SLC28A3: variants seen among roughly 807,000 people sequenced by gnomAD.
SLC28A3 encodes the protein solute carrier family 28 member 3.
SLC28A3 carries 68 observed loss-of-function variants against 84.2 expected under a neutral mutation model. The observed-to-expected ratio is 0.81, with a 90% confidence interval of 0.66 to 0.99. SLC28A3 has a LOEUF of 0.99. Ranked by LOEUF, SLC28A3 falls within the 50% of genes least tolerant of loss-of-function variation. The pLI, the probability that SLC28A3 is intolerant of heterozygous loss-of-function variation, is 0.00. For missense variants in SLC28A3, 712 were observed against 841.5 expected, an observed-to-expected ratio of 0.85 and a Z score of 1.90; for synonymous variants, 267 against 303.6, an observed-to-expected ratio of 0.88 and a Z score of 1.25.
At chr9:84,284,053 T>C (rs970648611) in intron 14 of SLC28A3, among the ~76,000 whole-genome samples, 1 of 152,210 alleles carries the variant, frequency 6.6e-6, no homozygotes, top group African/African-American at 2.4e-5. Context: ...CTGTTCTGTC[T>C]CTACCCTCGT....
intron 1 of SLC28A3, among the ~76,000 whole-genome samples, chr9:84,334,575 T>C (rs1164856098): frequency 1.3e-5 from 2 of 152,144 alleles, no homozygotes; most frequent in African/African-American, 4.8e-5. Context: ...GTTCGCCTTA[T>C]AAGTTGTATA....
the SLC28A3 span, among the ~76,000 whole-genome samples, chr9:84,346,927 C>T: frequency 6.6e-6 from 1 of 152,032 alleles, no homozygotes; most frequent in African/African-American, 2.4e-5. Flanking sequence ...GTAATCCCAG[C>T]ATTTTGGGAG....
intron 1 of SLC28A3, among the ~76,000 whole-genome samples, chr9:84,323,928 C>T (rs1011824090): frequency 6.6e-6 from 1 of 152,164 alleles, no homozygotes; most frequent in Non-Finnish European, 1.5e-5. Flanking sequence ...ACAGTACAGT[C>T]ACTACTAGAA....
rs35691184 is a variant in SLC28A3 at position 84,312,542 on chromosome 9, CTTTTT to C, written c.156+812_156+816del. Among the ~76,000 whole-genome samples the C allele has an allele frequency of 7.4e-5, 10 of 134,374 alleles. No individual in the cohort carries two copies. In the South Asian group the frequency reaches 9.4e-4, roughly 13 times the overall value. 88.2% of individuals were successfully genotyped at this position (134,374 alleles called of 152,430 possible). The stretch of plus-strand genomic sequence containing the variant: ...ACACACTAGTGGGCACCCCAAATTC[CTTTTT>C]TTTTTTTTTTTTTGAGAATCTCGCT... On this transcript the variant is annotated intron_variant, in intron 2 of 17. Transcript: ENST00000376238.
chr9:84,312,542 C>CT (rs35691184), intron 2 of SLC28A3, among the ~76,000 whole-genome samples: 3,611 of 134,338 alleles, frequency 0.027, 165 homozygotes, highest in African/African-American at 0.08. Context: ...CCCCAAATTC[C>CT]TTTTTTTTTT....
the SLC28A3 span, among the ~76,000 whole-genome samples, chr9:84,360,463 G>A: frequency 8.6e-5 from 13 of 151,270 alleles, no homozygotes; most frequent in South Asian, 2.2e-4. Context: ...TCATGGGGTC[G>A]TTAAAGTGTT....
chr9:84,285,823 A>G (rs1824959798), intron 13 of SLC28A3, 120 bp downstream of exon 13: 2 of 1,208,954 alleles, frequency 1.7e-6, no homozygotes, highest in Non-Finnish European at 1.1e-6. Context: ...GATGCATGAG[A>G]AGCTTCTACG....
At chr9:84,348,839 G>T in the SLC28A3 span, among the ~76,000 whole-genome samples, 1 of 152,158 alleles carries the variant, frequency 6.6e-6, no homozygotes, top group African/African-American at 2.4e-5. Context: ...CAGCACAAAG[G>T]CCCTCTCCAG....
chr9:84,356,296 C>T, the SLC28A3 span, among the ~76,000 whole-genome samples: 3 of 152,218 alleles, frequency 2.0e-5, no homozygotes, highest in South Asian at 2.1e-4. Context: ...ATCATTAACC[C>T]ATCCTCAAGG....
the SLC28A3 span, among the ~76,000 whole-genome samples, chr9:84,348,611 G>A: frequency 3.3e-5 from 5 of 152,182 alleles, no homozygotes; most frequent in South Asian, 2.1e-4. Flanking sequence ...CACAAAGTCC[G>A]TATGTTAGAA....
At chr9:84,293,263 C>T (rs1009818278) in intron 9 of SLC28A3, among the ~76,000 whole-genome samples, 2 of 152,170 alleles carry the variant, frequency 1.3e-5, no homozygotes, top group African/African-American at 4.8e-5. Flanking sequence ...TTGAAATGAA[C>T]GTGGTTTTTG....
At chr9:84,282,323 T>C (rs947299208) in intron 14 of SLC28A3, among the ~76,000 whole-genome samples, 5 of 151,932 alleles carry the variant, frequency 3.3e-5, no homozygotes, top group Admixed American at 3.3e-4. Context: ...TGATAGTCTA[T>C]ATGTCGATTA....
At position 84,285,448 on chromosome 9, in the gene SLC28A3, G is replaced by T; in HGVS notation, c.1544C>A (p.Thr515Asn). Reference protein sequence around the residue: ...FMVARLIGYKTFFNEFVAYEH... With the variant: ...FMVARLIGYKNFFNEFVAYEH... The stretch of plus-strand genomic sequence containing the variant: ...ATAAGCCACAAATTCATTGAAGAAG[G>T]TCTTATAACCTATGAGTCTGGCAAC... The change falls in exon 14 of 18, where the codon ACC becomes AAC. Residue 515 changes from threonine (T) to asparagine (N), a missense_variant. Transcript: ENST00000376238. 3 of 1,614,110 alleles carry T rather than the reference G, an allele frequency of 1.9e-6. No homozygotes were observed. The highest frequency in any genetic ancestry group is 2.5e-6 in the Non-Finnish European group (3 of 1,180,028).
chr9:84,292,648 CT>C lies in SLC28A3; in HGVS notation c.1023+19del, dbSNP rs1428241754. ...GATCCATTTCAACAGATGTTTTGTTCTGTTGATATTACAACTTACTTGTCCA... is the reference window on the plus strand; with the variant it reads ...GATCCATTTCAACAGATGTTTTGTTCGTTGATATTACAACTTACTTGTCCA... On this transcript the variant is annotated intron_variant, in intron 10 of 17. Transcript: ENST00000376238. 1 of 1,577,534 alleles carries C rather than the reference CT, an allele frequency of 6.3e-7. No individual in the cohort carries two copies. The highest frequency in any genetic ancestry group is 1.1e-5 in the South Asian group (1 of 87,838).
Position 84,339,398 on chromosome 9 carries a change from T to G in SLC28A3, c.60+1176A>C, listed in dbSNP as rs553952501. Reference sequence around the variant, plus strand: ...CCGAGTAGCTGGGACTACAGGCATGTACCACCATGCCCGGCTGATTTTTGT... The same window carrying G: ...CCGAGTAGCTGGGACTACAGGCATGGACCACCATGCCCGGCTGATTTTTGT... On this transcript the variant is annotated intron_variant, in intron 1 of 17. Coordinates refer to ENST00000376238, the MANE Select transcript of SLC28A3 (RefSeq NM_001199633.2). 2.0e-3 allele frequency among the ~76,000 whole-genome samples: 305 copies of G among 152,118 alleles called. 2 individuals carry two copies. The highest frequency in any genetic ancestry group is 7.2e-3 in the African/African-American group (299 of 41,520).
rs35118010 is a variant in SLC28A3 at position 84,288,555 on chromosome 9, CT to C, written c.1150-378del. Among the ~76,000 whole-genome samples, 598 of 147,950 alleles carry C rather than the reference CT, an allele frequency of 4.0e-3. 3 individuals are homozygous for C. Among genetic ancestry groups the C allele is most frequent in the African/African-American group, 4.8e-3 (194 of 40,598 alleles). ...CCCTAAAGCATGTATGTCATTACAA[CT>C]TTTTTTTTTTTGAGATGGAGTCTTG... is the stretch of plus-strand genomic sequence containing the variant. On this transcript the variant is annotated intron_variant, in intron 11 of 17. Coordinates refer to ENST00000376238, the MANE Select transcript of SLC28A3 (RefSeq NM_001199633.2).
intron 14 of SLC28A3, among the ~76,000 whole-genome samples, chr9:84,281,891 C>T (rs756732471): frequency 4.6e-5 from 7 of 152,072 alleles, no homozygotes; most frequent in African/African-American, 7.2e-5. Flanking sequence ...TTTGGGAGGC[C>T]GAGGCGGGTA....
intron 1 of SLC28A3, among the ~76,000 whole-genome samples, chr9:84,317,793 G>A (rs1179262463): frequency 6.6e-6 from 1 of 152,146 alleles, no homozygotes; most frequent in Non-Finnish European, 1.5e-5. Context: ...AGTGCTCATT[G>A]ACTATTAAGT....
At chr9:84,323,464 A>G (rs1826445532) in intron 1 of SLC28A3, among the ~76,000 whole-genome samples, 1 of 145,248 alleles carries the variant, frequency 6.9e-6, no homozygotes, top group African/African-American at 2.6e-5. Context: ...TTGCTCTGTC[A>G]TCCAGGCTGG....
Sources: allele counts gnomAD v4.1 joint callset (sites outside exome capture counted in the v4.1 genomes callset), GRCh38; gene constraint gnomAD v4.1.1; transcripts MANE v1.5; gene names NCBI Gene and HGNC (gene_info 2026-07-23, HGNC 2026-07-21).